RPSA2: variants seen among roughly 807,000 people sequenced by gnomAD.
The protein encoded by RPSA2 is small ribosomal subunit protein uS2B.
the RPSA2 span, among the ~76,000 whole-genome samples, chr19:23,795,775 GT>G: frequency 6.6e-6 from 1 of 152,052 alleles, no homozygotes; most frequent in Non-Finnish European, 1.5e-5. Flanking sequence ...CTTCAAGCTT[GT>G]TTTTTTCCTT....
chr19:23,779,742 T>C, the RPSA2 span, among the ~76,000 whole-genome samples: 1 of 152,194 alleles, frequency 6.6e-6, no homozygotes, highest in African/African-American at 2.4e-5. Flanking sequence ...GTGACACATA[T>C]CTGTATCCAT....
At chr19:23,864,644 C>T in the RPSA2 span, among the ~76,000 whole-genome samples, 1 of 152,070 alleles carries the variant, frequency 6.6e-6, no homozygotes, top group Non-Finnish European at 1.5e-5. Flanking sequence ...CAAATTAGTT[C>T]TGAACATACT....
At chr19:23,849,476 C>T in the RPSA2 span, among the ~76,000 whole-genome samples, 1 of 152,188 alleles carries the variant, frequency 6.6e-6, no homozygotes, top group Non-Finnish European at 1.5e-5. Flanking sequence ...GCAGTGGTGA[C>T]AACAGACAGA....
the RPSA2 span, among the ~76,000 whole-genome samples, chr19:23,814,271 T>C: frequency 2.0e-5 from 3 of 151,986 alleles, no homozygotes; most frequent in Non-Finnish European, 4.4e-5. Context: ...TTTTCACTTA[T>C]AGTTTCAGGA....
chr19:23,763,032 G>C, the RPSA2 span: 1 of 152,608 alleles, frequency 6.6e-6, no homozygotes, highest in Admixed American at 6.5e-5. Flanking sequence ...CTTCTGTTCC[G>C]CGTCCTCCAC....
the RPSA2 span, among the ~76,000 whole-genome samples, chr19:23,816,790 A>G: frequency 6.6e-6 from 1 of 152,214 alleles, no homozygotes; most frequent in African/African-American, 2.4e-5. Flanking sequence ...GGTGGCAGAC[A>G]GAGAGCTTGT....
At chr19:23,865,405 C>G in the RPSA2 span, among the ~76,000 whole-genome samples, 1 of 152,118 alleles carries the variant, frequency 6.6e-6, no homozygotes, top group Non-Finnish European at 1.5e-5. Context: ...AATTGGGACA[C>G]AGTAGGAGAG....
the RPSA2 span, among the ~76,000 whole-genome samples, chr19:23,855,957 C>T: frequency 1.3e-5 from 2 of 152,012 alleles, no homozygotes; most frequent in Admixed American, 6.6e-5. Context: ...GTGTCAGGGC[C>T]GTGAGAGCCA....
At chr19:23,864,094 A>G in the RPSA2 span, among the ~76,000 whole-genome samples, 3 of 152,202 alleles carry the variant, frequency 2.0e-5, no homozygotes, top group Non-Finnish European at 1.5e-5. Flanking sequence ...ATTCCAAGGC[A>G]GAGCATCCAT....
At chr19:23,851,398 A>G in the RPSA2 span, among the ~76,000 whole-genome samples, 4 of 152,130 alleles carry the variant, frequency 2.6e-5, no homozygotes, top group Admixed American at 2.6e-4. Flanking sequence ...AAAGAGACCA[A>G]AAGTCTACCT....
At chr19:23,848,109 G>A in the RPSA2 span, among the ~76,000 whole-genome samples, 4 of 152,098 alleles carry the variant, frequency 2.6e-5, no homozygotes, top group Non-Finnish European at 5.9e-5. Flanking sequence ...CTGAGGTGAC[G>A]TACATCCTCA....
the RPSA2 span, among the ~76,000 whole-genome samples, chr19:23,793,616 G>A: frequency 6.6e-6 from 1 of 151,540 alleles, no homozygotes; most frequent in Non-Finnish European, 1.5e-5. Context: ...AGACTGGAGT[G>A]CAATGGCGTG....
chr19:23,832,004 C>T, the RPSA2 span: 5 of 419,824 alleles, frequency 1.2e-5, no homozygotes, highest in African/African-American at 4.1e-5. Flanking sequence ...TTTAATTGGT[C>T]CTCAATCCTT....
At chr19:23,845,341 A>G in the RPSA2 span, among the ~76,000 whole-genome samples, 1,124 of 149,498 alleles carry the variant, frequency 7.5e-3, 14 homozygotes, top group African/African-American at 0.026. Flanking sequence ...TTGAAATATG[A>G]TGTCAGGTCC....
the RPSA2 span, among the ~76,000 whole-genome samples, chr19:23,860,607 T>C: frequency 1.3e-5 from 2 of 152,164 alleles, no homozygotes; most frequent in African/African-American, 4.8e-5. Flanking sequence ...AGCTTGCTGA[T>C]AGTGATCTTC....
At chr19:23,826,050 C>G in the RPSA2 span, among the ~76,000 whole-genome samples, 1 of 142,968 alleles carries the variant, frequency 7.0e-6, no homozygotes, top group African/African-American at 2.6e-5. Context: ...ACAAAATTTA[C>G]CACAAAATAT....
At chr19:23,780,848 C>T in the RPSA2 span, among the ~76,000 whole-genome samples, 148,944 of 152,274 alleles carry the variant, frequency 0.98, 72,935 homozygotes, top group Middle Eastern at 1. Flanking sequence ...AACTTATATT[C>T]ACACCCAGTC....
the RPSA2 span, among the ~76,000 whole-genome samples, chr19:23,833,955 G>C: frequency 1.3e-5 from 2 of 151,960 alleles, no homozygotes; most frequent in African/African-American, 4.8e-5. Context: ...AATAAATTTG[G>C]AAAAACATTT....
the RPSA2 span, among the ~76,000 whole-genome samples, chr19:23,852,348 ACAC>A: frequency 3.4e-3 from 1 of 290 alleles, no homozygotes; most frequent in Non-Finnish European, 0.083. Context: ...AATTAAAGAC[ACAC>A]ACACACACAC....
Sources: allele counts gnomAD v4.1 joint callset (sites outside exome capture counted in the v4.1 genomes callset), GRCh38; gene constraint gnomAD v4.1.1; transcripts MANE v1.5; gene names NCBI Gene and HGNC (gene_info 2026-07-23, HGNC 2026-07-21).